The following NOS1AP variants were observed in gnomAD, a reference collection of about 807,000 sequenced individuals.
NOS1AP encodes nitric oxide synthase 1 adaptor protein.
NOS1AP carries 21 observed loss-of-function variants against 56.2 expected under a neutral mutation model. The observed-to-expected ratio is 0.37, with a 90% CI of 0.26 to 0.54. NOS1AP has a LOEUF of 0.54. NOS1AP is among the 20% of genes least tolerant of loss of function. The probability of loss-of-function intolerance (pLI) is 0.84; values close to 1 mark genes in which losing one functional copy is unlikely to be tolerated. For synonymous variants in NOS1AP, 270 were observed against 274.6 expected (o/e 0.98, Z 0.17); for missense variants, 522 against 657.8 (o/e 0.79, Z 2.26).
chr1:162,318,353 G>A (rs1656297621), intron 4 of NOS1AP, among the ~76,000 whole-genome samples: 1 of 152,098 alleles, frequency 6.6e-6, no homozygotes, highest in Non-Finnish European at 1.5e-5. Flanking sequence ...TGGGCTTCCT[G>A]AGCTACTCTA....
chr1:162,246,604 A>G (rs1233875513), intron 2 of NOS1AP, among the ~76,000 whole-genome samples: 1 of 152,222 alleles, frequency 6.6e-6, no homozygotes, highest in East Asian at 1.9e-4. Flanking sequence ...ATAGTAGTAT[A>G]ATATATTAGA....
At chr1:162,106,975 A>G (rs1344137524) in intron 1 of NOS1AP, among the ~76,000 whole-genome samples, 4 of 147,990 alleles carry the variant, frequency 2.7e-5, no homozygotes, top group Non-Finnish European at 5.9e-5. Flanking sequence ...TCATTGGCAC[A>G]CTATTTGTAG....
At chr1:162,118,186 A>G (rs558002733) in intron 1 of NOS1AP, among the ~76,000 whole-genome samples, 11 of 152,314 alleles carry the variant, frequency 7.2e-5, no homozygotes, top group Admixed American at 2.0e-4. Flanking sequence ...TGGGGTCCCA[A>G]TGAATTCCGT....
intron 4 of NOS1AP, among the ~76,000 whole-genome samples, chr1:162,321,858 G>A (rs1043779864): frequency 2.0e-5 from 3 of 151,364 alleles, no homozygotes; most frequent in Non-Finnish European, 4.4e-5. Flanking sequence ...CTAAACAATG[G>A]ATACACATGG....
intron 2 of NOS1AP, among the ~76,000 whole-genome samples, chr1:162,260,500 A>G (rs1283974427): frequency 6.6e-6 from 1 of 152,210 alleles, no homozygotes; most frequent in Non-Finnish European, 1.5e-5. Flanking sequence ...TAGAATAGAT[A>G]TATCTAATTT....
chr1:162,153,510 T>C (rs1414319621), intron 1 of NOS1AP, among the ~76,000 whole-genome samples: 1 of 152,214 alleles, frequency 6.6e-6, no homozygotes, highest in Non-Finnish European at 1.5e-5. Flanking sequence ...GGCTCAAACT[T>C]GGCTAGATGA....
At chr1:162,234,438 ATAGAAATTTTT>A (rs764894884) in intron 2 of NOS1AP, among the ~76,000 whole-genome samples, 3 of 141,998 alleles carry the variant, frequency 2.1e-5, no homozygotes, top group Non-Finnish European at 4.9e-5. Flanking sequence ...TGTCTCTTTT[ATAGAAATTTTT>A]CTCTTGGATG....
chr1:162,161,886 A>G (rs894065671), intron 2 of NOS1AP, among the ~76,000 whole-genome samples: 17 of 152,240 alleles, frequency 1.1e-4, no homozygotes, highest in African/African-American at 4.1e-4. Context: ...AGCACCTGCT[A>G]AATGTTAGCT....
intron 2 of NOS1AP, among the ~76,000 whole-genome samples, chr1:162,185,017 G>A (rs1651380574): frequency 6.6e-6 from 1 of 152,210 alleles, no homozygotes; most frequent in Admixed American, 6.5e-5. Context: ...GGAGCTCCAA[G>A]AGGATAATCC....
chr1:162,098,918 G>A (rs1692310637), intron 1 of NOS1AP, among the ~76,000 whole-genome samples: 1 of 152,276 alleles, frequency 6.6e-6, no homozygotes, highest in South Asian at 2.1e-4. Flanking sequence ...TATCACTGAT[G>A]GGCATTTAGG....
intron 1 of NOS1AP, among the ~76,000 whole-genome samples, chr1:162,142,649 T>C (rs1424458441): frequency 6.6e-6 from 1 of 152,238 alleles, no homozygotes; most frequent in Non-Finnish European, 1.5e-5. Flanking sequence ...GGCGAAAGCA[T>C]GTGTAGCATA....
At chr1:162,147,308 G>C (rs113639299) in intron 1 of NOS1AP, among the ~76,000 whole-genome samples, 4,614 of 148,878 alleles carry the variant, frequency 0.031, 176 homozygotes, top group African/African-American at 0.084. Flanking sequence ...CTCCAGCCTG[G>C]GCGACAGAGC....
At chr1:162,365,096 G>GCA (rs2101830162) in intron 8 of NOS1AP, 1 of 1,349,684 alleles carries the variant, frequency 7.4e-7, no homozygotes, top group African/African-American at 1.5e-5. Flanking sequence ...GTGTGTACGT[G>GCA]TGTGTGTGTG....
intron 2 of NOS1AP, among the ~76,000 whole-genome samples, chr1:162,232,084 T>G (rs1653140868): frequency 6.6e-6 from 1 of 152,182 alleles, no homozygotes; most frequent in Non-Finnish European, 1.5e-5. Context: ...GCAGTGGAGC[T>G]TATTAGAAGT....
In NOS1AP at chr1:162,288,207, T is replaced by C. The variant is rs1388385599; in HGVS notation, c.270+771T>C. 3.3e-5 allele frequency among the ~76,000 whole-genome samples: 5 copies of C among 152,290 alleles called. No homozygotes were observed. In the South Asian group the frequency reaches 6.2e-4, roughly 19 times the overall value. On this transcript the variant is annotated intron_variant, in intron 3 of 9. Transcript: ENST00000361897. Reference sequence around the variant, plus strand: ...AAAAGAGCTTGGCTGATTGAGTATATATAAGGAGCCCTTTTTGTCCCTGTT... The same window carrying C: ...AAAAGAGCTTGGCTGATTGAGTATACATAAGGAGCCCTTTTTGTCCCTGTT...
intron 1 of NOS1AP, among the ~76,000 whole-genome samples, chr1:162,131,680 C>G (rs1427054487): frequency 2.6e-5 from 4 of 151,950 alleles, no homozygotes; most frequent in Non-Finnish European, 5.9e-5. Context: ...GCTGAAACAG[C>G]CCGTTTTATG....
chr1:162,345,724 A>G (rs1285071046), intron 6 of NOS1AP, among the ~76,000 whole-genome samples: 1 of 152,204 alleles, frequency 6.6e-6, no homozygotes, highest in Non-Finnish European at 1.5e-5. Context: ...GATCTTGGGC[A>G]AGTTCCATAA....
chr1:162,121,630 C>G (rs575937043), intron 1 of NOS1AP, among the ~76,000 whole-genome samples: 47 of 152,240 alleles, frequency 3.1e-4, no homozygotes, highest in African/African-American at 1.1e-3. Context: ...ACTGAGGAGA[C>G]TGTGTAAGTG....
intron 2 of NOS1AP, among the ~76,000 whole-genome samples, chr1:162,256,234 C>A (rs1654025146): frequency 6.6e-6 from 1 of 152,116 alleles, no homozygotes; most frequent in South Asian, 2.1e-4. Flanking sequence ...TCCCCGTAGT[C>A]CAGCCTATGA....
Sources: gnomAD v4.1 joint callset for allele counts (sites outside exome capture counted in the v4.1 genomes callset) on GRCh38, gnomAD v4.1.1 for gene constraint, MANE v1.5 for transcripts, NCBI Gene and HGNC (gene_info 2026-07-23, HGNC 2026-07-21) for gene names.